The following ANO3 variants were observed in gnomAD, a reference collection of about 807,000 sequenced individuals.
ANO3 encodes anoctamin 3.
Under a neutral mutation model 144.8 loss-of-function variants are expected in ANO3, and 99 were observed. The observed-to-expected ratio is 0.68, with a 90% confidence interval of 0.58 to 0.81. ANO3 has a LOEUF of 0.81. Ranked by LOEUF, ANO3 falls within the 30% of genes least tolerant of loss-of-function variation. The pLI, the probability that ANO3 is intolerant of heterozygous loss-of-function variation, is 0.00. For missense variants in ANO3, 905 were observed against 1,202.2 expected, an observed-to-expected ratio of 0.75 and a Z score of 3.66; for synonymous variants, 414 against 392.6, an observed-to-expected ratio of 1.05 and a Z score of -0.64.
At position 26,531,562 on chromosome 11, in the gene ANO3, C is replaced by T. The variant is rs118009539; in HGVS notation, c.869+226C>T. ...TCAGTAGTGAATAATTAATTGTAGA[C>T]CTATGGACTGGTAGTCTAGTTTCTA... On this transcript the variant is annotated intron_variant, in intron 8 of 26. Coordinates refer to ENST00000256737, the MANE Select transcript of ANO3 (RefSeq NM_031418.4). Among the ~76,000 whole-genome samples, 1,730 of 152,046 alleles carry T rather than the reference C, an allele frequency of 0.011. 20 individuals carry two copies. The highest frequency in any genetic ancestry group is 0.018 in the Non-Finnish European group (1,238 of 67,994).
At chr11:26,561,341 G>T in intron 14 of ANO3, 3 of 726,452 alleles carry the variant, frequency 4.1e-6, no homozygotes, top group Admixed American at 4.1e-5. Flanking sequence ...ATTTTTATAT[G>T]GGCTTTTTAG....
intron 1 of ANO3, among the ~76,000 whole-genome samples, chr11:26,266,623 C>T (rs1293309383): frequency 6.6e-6 from 1 of 151,560 alleles, no homozygotes; most frequent in Non-Finnish European, 1.5e-5. Context: ...TTAGTAGAGA[C>T]AGGAGTTGAC....
At chr11:26,598,540 C>T (rs1565133114) in intron 15 of ANO3, 93 bp downstream of exon 15, 2 of 878,118 alleles carry the variant, frequency 2.3e-6, no homozygotes, top group East Asian at 5.2e-5. Flanking sequence ...AGCAGTTAAC[C>T]ACCATTAGAT....
chr11:26,355,544 A>C (rs183265866), intron 1 of ANO3, among the ~76,000 whole-genome samples: 114 of 150,656 alleles, frequency 7.6e-4, no homozygotes, highest in Non-Finnish European at 1.0e-3. Context: ...TGGTATCCTG[A>C]AATTTCTTTC....
intron 13 of ANO3, among the ~76,000 whole-genome samples, chr11:26,554,396 A>G (rs966120642): frequency 2.0e-5 from 3 of 152,250 alleles, no homozygotes; most frequent in East Asian, 1.9e-4. Flanking sequence ...ACATTCATCT[A>G]CAAGTCCTTA....
At chr11:26,219,500 C>T (rs1474745483) in intron 1 of ANO3, among the ~76,000 whole-genome samples, 1 of 152,082 alleles carries the variant, frequency 6.6e-6, no homozygotes. Context: ...TTAGGATCTC[C>T]CTGTTTTTTC....
chr11:26,241,946 A>T (rs1852671761), intron 1 of ANO3, among the ~76,000 whole-genome samples: 1 of 152,194 alleles, frequency 6.6e-6, no homozygotes, highest in Non-Finnish European at 1.5e-5. Context: ...AGATTTAATA[A>T]GCTTTTAGAT....
At chr11:26,486,944 C>T (rs1011767688) in intron 4 of ANO3, among the ~76,000 whole-genome samples, 1 of 152,226 alleles carries the variant, frequency 6.6e-6, no homozygotes, top group African/African-American at 2.4e-5. Flanking sequence ...TAAGAATCAT[C>T]TCTAATGCTG....
chr11:26,642,736 C>G (rs1853208270), intron 22 of ANO3, among the ~76,000 whole-genome samples: 1 of 152,156 alleles, frequency 6.6e-6, no homozygotes, highest in Admixed American at 6.5e-5. Flanking sequence ...TTTGCACAGA[C>G]TCCGTCTGAA....
chr11:26,374,128 A>G (rs1048008825), intron 1 of ANO3, among the ~76,000 whole-genome samples: 3 of 152,232 alleles, frequency 2.0e-5, no homozygotes, highest in African/African-American at 7.2e-5. Context: ...TCATATAAAC[A>G]TGAGTAAAGT....
intron 4 of ANO3, among the ~76,000 whole-genome samples, chr11:26,490,871 T>C (rs1263929828): frequency 1.3e-5 from 2 of 152,228 alleles, no homozygotes; most frequent in Non-Finnish European, 2.9e-5. Flanking sequence ...ACTTGGCGAC[T>C]CACCTTGAAC....
At chr11:26,191,071 C>T (rs1590184384) in intron 1 of ANO3, among the ~76,000 whole-genome samples, 1 of 152,086 alleles carries the variant, frequency 6.6e-6, no homozygotes, top group South Asian at 2.1e-4. Context: ...TATTTTCACT[C>T]TTCTAGACCA....
At chr11:26,377,783 G>A (rs1457589677) in intron 1 of ANO3, among the ~76,000 whole-genome samples, 1 of 151,994 alleles carries the variant, frequency 6.6e-6, no homozygotes, top group Non-Finnish European at 1.5e-5. Context: ...TCAAGAAAGA[G>A]AAATGATTAC....
At chr11:26,654,630 A>G (rs530820016) in intron 24 of ANO3, among the ~76,000 whole-genome samples, 5 of 152,182 alleles carry the variant, frequency 3.3e-5, no homozygotes, top group Admixed American at 1.3e-4. Flanking sequence ...GCAATGTTGA[A>G]TAGAAATAGT....
At chr11:26,358,181 T>TG in intron 1 of ANO3, among the ~76,000 whole-genome samples, 1 of 148,520 alleles carries the variant, frequency 6.7e-6, no homozygotes, top group Non-Finnish European at 1.5e-5. Context: ...TTTTTTTTTT[T>TG]TTTTTTTTTG....
intron 1 of ANO3, among the ~76,000 whole-genome samples, chr11:26,319,915 G>A (rs943044148): frequency 6.6e-6 from 1 of 151,592 alleles, no homozygotes; most frequent in African/African-American, 2.4e-5. Context: ...GTAGAAGAAG[G>A]TCTTTATTTT....
At chr11:26,623,806 T>G (rs963027694) in intron 17 of ANO3, among the ~76,000 whole-genome samples, 12 of 152,056 alleles carry the variant, frequency 7.9e-5, no homozygotes, top group Admixed American at 2.0e-4. Flanking sequence ...TTTTTATTTT[T>G]GAGACGGAGT....
chr11:26,273,094 C>T (rs1853478277), intron 1 of ANO3, among the ~76,000 whole-genome samples: 1 of 152,058 alleles, frequency 6.6e-6, no homozygotes, highest in Non-Finnish European at 1.5e-5. Context: ...AAATAATAAG[C>T]ACCAGCTGCC....
chr11:26,238,829 G>C (rs531149325), intron 1 of ANO3, among the ~76,000 whole-genome samples: 1 of 151,922 alleles, frequency 6.6e-6, no homozygotes. Flanking sequence ...CATTATATAT[G>C]GGTTTCAGAA....
Sources: gnomAD v4.1 joint callset for allele counts (sites outside exome capture counted in the v4.1 genomes callset) on GRCh38, gnomAD v4.1.1 for gene constraint, MANE v1.5 for transcripts, NCBI Gene and HGNC (gene_info 2026-07-23, HGNC 2026-07-21) for gene names.